The following TSPEAR variants were observed in gnomAD, a reference collection of about 807,000 sequenced individuals.
TSPEAR encodes thrombospondin type laminin G domain and EAR repeats.
In TSPEAR, 69 loss-of-function variants were observed where a neutral mutation model predicts 71.6. The observed-to-expected ratio is 0.96, with a 90% confidence interval of 0.79 to 1.18. The LOEUF is 1.18. TSPEAR is among the 50% of genes most tolerant of loss of function. The pLI, the probability that TSPEAR is intolerant of heterozygous loss-of-function variation, is 0.00. For synonymous variants in TSPEAR, 402 were observed against 387.2 expected, an observed-to-expected ratio of 1.04 and a Z score of -0.45; for missense variants, 971 against 894.9, an observed-to-expected ratio of 1.09 and a Z score of -1.09.
intron 2 of TSPEAR, among the ~76,000 whole-genome samples, chr21:44,564,526 A>T (rs1276479991): frequency 3.3e-5 from 5 of 152,210 alleles, no homozygotes; most frequent in Admixed American, 3.3e-4. Flanking sequence ...AAAAATTGTT[A>T]CTAGAGATTA....
rs1984098775 is a variant in TSPEAR at position 44,642,942 on chromosome 21, T to C, written c.82+68491A>G. Among the ~76,000 whole-genome samples the C allele has an allele frequency of 6.6e-6, 1 of 152,134 alleles. No individual in the cohort carries two copies. Among genetic ancestry groups the C allele is most frequent in the Non-Finnish European group, 1.5e-5 (1 of 68,016 alleles). ...AAACAAGACAAATTAAAGCCAGAGC[T>C]CAGAGATACCTGCACTGCCATGCTA... On this transcript the variant is annotated intron_variant, in intron 1 of 11. Coordinates refer to ENST00000323084, the MANE Select transcript of TSPEAR (RefSeq NM_144991.3). The surrounding 1 kb of genome is among the most constrained non-coding windows in gnomAD (Gnocchi z 4.1).
chr21:44,503,546 C>T (rs1303643159), intron 11 of TSPEAR, among the ~76,000 whole-genome samples: 2 of 117,084 alleles, frequency 1.7e-5, no homozygotes, highest in Non-Finnish European at 3.5e-5. Flanking sequence ...CTTGGTGAGC[C>T]CACAGTGGGG....
intron 1 of TSPEAR, among the ~76,000 whole-genome samples, chr21:44,599,134 T>TTCTCCCTCTCTCTCTCTCTCTC (rs1980576276): frequency 2.2e-5 from 2 of 92,280 alleles, no homozygotes; most frequent in African/African-American, 3.3e-5. Flanking sequence ...GGCCCCCATT[T>TTCTCCCTCTCTCTCTCTCTCTC]TCTCTCTCTC....
At chr21:44,655,687 C>T (rs73233078) in intron 1 of TSPEAR, among the ~76,000 whole-genome samples, 177 of 146,920 alleles carry the variant, frequency 1.2e-3, no homozygotes, top group Non-Finnish European at 1.3e-3. Flanking sequence ...TGGGAAGCAG[C>T]GGGCAGGAGT....
At chr21:44,588,785 G>A (rs1469540812) in intron 1 of TSPEAR, among the ~76,000 whole-genome samples, 2 of 110,760 alleles carry the variant, frequency 1.8e-5, no homozygotes, top group African/African-American at 5.6e-5. Context: ...GTATGTGTGT[G>A]TGTATATATA....
chr21:44,518,424 T>C (rs1312979652), intron 9 of TSPEAR: 3 of 401,570 alleles, frequency 7.5e-6, no homozygotes, highest in African/African-American at 4.2e-5. Flanking sequence ...TCACAGGGGC[T>C]TTAGGATCAC....
intron 1 of TSPEAR, among the ~76,000 whole-genome samples, chr21:44,674,296 CT>C (rs1176814736): frequency 6.6e-6 from 1 of 151,518 alleles, no homozygotes; most frequent in African/African-American, 2.4e-5. Context: ...AAAAGTTGGT[CT>C]TTTAAAAAGA....
chr21:44,695,858 C>T lies in TSPEAR; in HGVS notation c.82+15575G>A, dbSNP rs1987310599. On this transcript the variant is annotated intron_variant, in intron 1 of 11. Coordinates refer to ENST00000323084, the MANE Select transcript of TSPEAR (RefSeq NM_144991.3). This position sits in a 1 kb window ranked among gnomAD's most constrained non-coding sequence, Gnocchi z 4.5. ...CACTTCAAGGGGCCCATCCACCACA[C>T]ACCTCGAGCCCTCACCTGCTGGTCA... Among the ~76,000 whole-genome samples the T allele has an allele frequency of 6.6e-6, 1 of 152,230 alleles. No homozygotes were observed. Among genetic ancestry groups the T allele is most frequent in the African/African-American group, 2.4e-5 (1 of 41,534 alleles).
At chr21:44,602,660 T>C (rs587643647) in intron 1 of TSPEAR, among the ~76,000 whole-genome samples, 4 of 152,330 alleles carry the variant, frequency 2.6e-5, no homozygotes, top group African/African-American at 9.6e-5. Flanking sequence ...AATTCTGGCG[T>C]AGCCCAGGCA....
At chr21:44,611,937 T>G in intron 1 of TSPEAR, 1 of 709,844 alleles carries the variant, frequency 1.4e-6, no homozygotes, top group Non-Finnish European at 2.4e-6. Context: ...AGTAAACTAA[T>G]TAGGGTTGCC....
intron 9 of TSPEAR, among the ~76,000 whole-genome samples, chr21:44,512,715 T>C (rs1555912889): frequency 6.6e-6 from 1 of 151,950 alleles, no homozygotes; most frequent in East Asian, 2.0e-4. Flanking sequence ...GGGAGCAAAC[T>C]TTGAGTTGCA....
chr21:44,618,582 GCCCCATC>G (rs1445896185), intron 1 of TSPEAR, among the ~76,000 whole-genome samples: 5 of 152,136 alleles, frequency 3.3e-5, no homozygotes, highest in African/African-American at 4.8e-5. Flanking sequence ...ACTTCCCCTT[GCCCCATC>G]CCCCATCCCC....
At chr21:44,500,012 C>T in intron 11 of TSPEAR, 76 bp from the exon 12 acceptor site, 1 of 1,446,880 alleles carries the variant, frequency 6.9e-7, no homozygotes, top group Non-Finnish European at 9.2e-7. Flanking sequence ...CCCACCCGCG[C>T]TGTCAGGGAC....
intron 1 of TSPEAR, chr21:44,666,264 G>A (rs1555944653): frequency 2.7e-6 from 2 of 748,318 alleles, no homozygotes; most frequent in African/African-American, 1.8e-5. Context: ...TCCCTGGGGG[G>A]ATGGGCAAGG....
intron 6 of TSPEAR, 132 bp downstream of exon 6, chr21:44,528,320 G>T: frequency 2.3e-6 from 3 of 1,298,532 alleles, no homozygotes; most frequent in Non-Finnish European, 2.2e-6. Context: ...TCTTAGAAGT[G>T]CCCCAGCCTG....
At chr21:44,613,942 C>T (rs778197002) in intron 1 of TSPEAR, among the ~76,000 whole-genome samples, 133 of 152,292 alleles carry the variant, frequency 8.7e-4, no homozygotes, top group Non-Finnish European at 1.7e-3. Context: ...TCTGCCGCCC[C>T]GACCGGGGTC....
At chr21:44,543,456 G>C (rs752133998) in intron 2 of TSPEAR, among the ~76,000 whole-genome samples, 2 of 152,160 alleles carry the variant, frequency 1.3e-5, no homozygotes, top group Non-Finnish European at 2.9e-5. Context: ...CGACTCACTA[G>C]GAAGTAGATG....
At chr21:44,580,171 G>A in intron 1 of TSPEAR, 1 of 1,614,108 alleles carries the variant, frequency 6.2e-7, no homozygotes. Context: ...ACACGGGCTT[G>A]CAGCAGACAG....
At chr21:44,633,648 T>C (rs1269922900) in intron 1 of TSPEAR, among the ~76,000 whole-genome samples, 2 of 152,218 alleles carry the variant, frequency 1.3e-5, no homozygotes, top group Admixed American at 1.3e-4. Flanking sequence ...GACTAACATA[T>C]GGTCTAATCT....
Sources: gnomAD v4.1 joint callset for allele counts (sites outside exome capture counted in the v4.1 genomes callset) on GRCh38, gnomAD v4.1.1 for gene constraint, Gnocchi (gnomAD v3.1) non-coding constraint, MANE v1.5 for transcripts, NCBI Gene and HGNC (gene_info 2026-07-23, HGNC 2026-07-21) for gene names.